The following ADAM23 variants were observed in gnomAD, a reference collection of about 807,000 sequenced individuals.
ADAM23 encodes disintegrin and metalloproteinase domain-containing protein 23.
In ADAM23, 33 loss-of-function variants were observed where a neutral mutation model predicts 120.1. The ratio of observed to expected loss-of-function variants is 0.27; its 90% CI spans 0.21 to 0.37. The LOEUF (loss-of-function observed/expected upper bound fraction) is 0.37. Among genes scored for constraint, ADAM23 ranks in the 10% least tolerant of loss-of-function variants. ADAM23 has a pLI of 1.00. For missense variants in ADAM23, 862 were observed against 1,058.2 expected (o/e 0.81, Z 2.57); for synonymous variants, 367 against 375.2 (o/e 0.98, Z 0.25).
intron 3 of ADAM23, among the ~76,000 whole-genome samples, chr2:206,500,100 A>T (rs1405175883): frequency 6.6e-6 from 1 of 152,128 alleles, no homozygotes; most frequent in Admixed American, 6.6e-5. Flanking sequence ...GTTATTTTTT[A>T]TGCAGAAAAT....
At chr2:206,451,621 G>A (rs1385168038) in intron 2 of ADAM23, among the ~76,000 whole-genome samples, 1 of 152,216 alleles carries the variant, frequency 6.6e-6, no homozygotes, top group Non-Finnish European at 1.5e-5. Context: ...TATAGACATA[G>A]CAGTTGAGAT....
rs1698993287 is a variant in ADAM23, at chr2:206,619,115, C to G, written c.*1488C>G. 1.3e-5 allele frequency: 2 copies of G among 152,132 alleles called. No homozygotes were observed. Among genetic ancestry groups the G allele is most frequent in the African/African-American group, 2.4e-5 (1 of 41,422 alleles). The allele number at this position is 152,132 out of a possible 1,614,324, so 9.4% of individuals were successfully genotyped here. On this transcript the variant is annotated 3_prime_UTR_variant, in exon 26 of 26. Transcript: ENST00000264377. ...TAATGGGAATAGAAGGAGCAGTTAC[C>G]TTTGTATCCGCATTGTTAAAATAGG...
intron 2 of ADAM23, among the ~76,000 whole-genome samples, chr2:206,477,875 T>A (rs1226168374): frequency 1.9e-5 from 1 of 52,552 alleles, no homozygotes; most frequent in Non-Finnish European, 3.9e-5. Flanking sequence ...AAGCCAATAT[T>A]CTGTTAAAAA....
chr2:206,555,526 C>T (rs972091865), intron 9 of ADAM23, among the ~76,000 whole-genome samples: 1 of 152,080 alleles, frequency 6.6e-6, no homozygotes, highest in Non-Finnish European at 1.5e-5. Context: ...CTCTAATTTA[C>T]ATAACAATGA....
intron 3 of ADAM23, among the ~76,000 whole-genome samples, chr2:206,510,623 T>C (rs185674775): frequency 6.6e-6 from 1 of 152,352 alleles, no homozygotes; most frequent in Admixed American, 6.5e-5. Flanking sequence ...AAAAAGCAGA[T>C]TGTCTGAGAA....
At chr2:206,463,454 C>A (rs1033314582) in intron 2 of ADAM23, among the ~76,000 whole-genome samples, 5 of 152,188 alleles carry the variant, frequency 3.3e-5, no homozygotes, top group African/African-American at 1.2e-4. Context: ...AAACTTTAGA[C>A]TTTGATTTTG....
chr2:206,523,595 TG>T (rs1696888134), intron 3 of ADAM23, among the ~76,000 whole-genome samples: 1 of 152,200 alleles, frequency 6.6e-6, no homozygotes, highest in Non-Finnish European at 1.5e-5. Flanking sequence ...AAACAACTTT[TG>T]GTATGAAAAC....
At chr2:206,480,578 A>G (rs1695876454) in intron 2 of ADAM23, among the ~76,000 whole-genome samples, 1 of 152,074 alleles carries the variant, frequency 6.6e-6, no homozygotes, top group Admixed American at 6.6e-5. Context: ...GTGAGCTATA[A>G]TAATCTTTAA....
At chr2:206,465,376 G>A (rs1488978162) in intron 2 of ADAM23, among the ~76,000 whole-genome samples, 1 of 152,046 alleles carries the variant, frequency 6.6e-6, no homozygotes, top group African/African-American at 2.4e-5. Context: ...TATTTTGTGG[G>A]AAATTGGCTA....
chr2:206,509,552 G>A (rs982847155), intron 3 of ADAM23, among the ~76,000 whole-genome samples: 4 of 152,018 alleles, frequency 2.6e-5, no homozygotes, highest in East Asian at 1.9e-4. Context: ...GAGTTCTAGC[G>A]ATTCTCCTGC....
intron 2 of ADAM23, among the ~76,000 whole-genome samples, chr2:206,477,271 A>G (rs1354624702): frequency 2.0e-5 from 3 of 152,226 alleles, no homozygotes; most frequent in Non-Finnish European, 4.4e-5. Context: ...ACAAAAGCAC[A>G]TTGCTAAGAC....
chr2:206,597,202 C>T (rs1486679531), intron 24 of ADAM23, among the ~76,000 whole-genome samples: 2 of 128,882 alleles, frequency 1.6e-5, no homozygotes, highest in Non-Finnish European at 3.2e-5. Flanking sequence ...TTTTTTGAGA[C>T]AGAGTCCGAC....
At chr2:206,610,068 T>G in intron 25 of ADAM23, 68 bp downstream of exon 25, 1 of 1,370,032 alleles carries the variant, frequency 7.3e-7, no homozygotes, top group Non-Finnish European at 9.7e-7. Flanking sequence ...CATAACCAAG[T>G]TTTGAGTTCC....
At position 206,620,475 on chromosome 2, in the gene ADAM23, T is replaced by C. The variant is rs772934455; in HGVS notation, c.*2848T>C. The stretch of plus-strand genomic sequence containing the variant: ...TTAGGTTATGTAGTTTCAAACTCTT[T>C]GCTGTATTTTGTTTTGCACCTGCCA... On this transcript the variant is annotated 3_prime_UTR_variant, in exon 26 of 26. Coordinates refer to ENST00000264377, the MANE Select transcript of ADAM23 (RefSeq NM_003812.4). 2.0e-5 allele frequency: 3 copies of C among 152,218 alleles called. No individual in the cohort carries two copies. Among genetic ancestry groups the C allele is most frequent in the Non-Finnish European group, 4.4e-5 (3 of 68,038 alleles). 9.4% of individuals were successfully genotyped at this position (152,218 alleles called of 1,614,324 possible).
chr2:206,578,406 C>A (rs1265695255), intron 18 of ADAM23, among the ~76,000 whole-genome samples: 1 of 151,528 alleles, frequency 6.6e-6, no homozygotes, highest in Non-Finnish European at 1.5e-5. Flanking sequence ...CATGTCTTTG[C>A]GTCACTACTT....
chr2:206,533,911 A>G (rs903358529), intron 4 of ADAM23, among the ~76,000 whole-genome samples: 3 of 152,254 alleles, frequency 2.0e-5, no homozygotes, highest in Non-Finnish European at 4.4e-5. Context: ...TGATGGAGCA[A>G]TAGCTTTTGT....
chr2:206,472,305 T>G (rs1695675478), intron 2 of ADAM23, among the ~76,000 whole-genome samples: 1 of 152,160 alleles, frequency 6.6e-6, no homozygotes, highest in South Asian at 2.1e-4. Context: ...AGCGTCCATC[T>G]TTTGCATATT....
intron 18 of ADAM23, among the ~76,000 whole-genome samples, chr2:206,574,237 A>G (rs1698067506): frequency 6.6e-6 from 1 of 152,092 alleles, no homozygotes. Context: ...AGATTTTTGG[A>G]TTAGGGAAGC....
chr2:206,594,315 AT>A (rs1698479836), intron 22 of ADAM23, among the ~76,000 whole-genome samples: 2 of 152,130 alleles, frequency 1.3e-5, no homozygotes, highest in Admixed American at 1.3e-4. Context: ...AAGAATAATA[AT>A]TTTCAAAATA....
Sources: allele counts gnomAD v4.1 joint callset (sites outside exome capture counted in the v4.1 genomes callset), GRCh38; gene constraint gnomAD v4.1.1; transcripts MANE v1.5; gene names NCBI Gene and HGNC (gene_info 2026-07-23, HGNC 2026-07-21).